The following NFATC3 variants were observed in gnomAD, a reference collection of about 807,000 sequenced individuals.
NFATC3 encodes nuclear factor of activated T cells 3.
In NFATC3, 46 loss-of-function variants were observed where a neutral mutation model predicts 98.6. The observed-to-expected ratio is 0.47, with a 90% CI of 0.37 to 0.60. NFATC3 has a LOEUF of 0.60. NFATC3 is among the 20% of genes least tolerant of loss of function. The pLI, the probability that NFATC3 is intolerant of heterozygous loss-of-function variation, is 0.00. For missense variants in NFATC3, 1,256 were observed against 1,295.5 expected (o/e 0.97, Z 0.47); for synonymous variants, 512 against 472.2 (o/e 1.08, Z -1.09).
At chr16:68,140,487 C>T (rs1323324094) in intron 3 of NFATC3, among the ~76,000 whole-genome samples, 1 of 152,268 alleles carries the variant, frequency 6.6e-6, no homozygotes. Context: ...TTCAGTTATT[C>T]AGTTGCATTG....
At chr16:68,190,737 A>G (rs765878223) in intron 8 of NFATC3, 31 bp from the exon 9 acceptor site, 4 of 1,565,338 alleles carry the variant, frequency 2.6e-6, no homozygotes, top group Admixed American at 3.7e-5. Context: ...GTATTGTATA[A>G]TAATATTTGC....
chr16:68,124,544 C>T (rs754003720), intron 2 of NFATC3, among the ~76,000 whole-genome samples: 17 of 151,850 alleles, frequency 1.1e-4, no homozygotes, highest in Non-Finnish European at 2.4e-4. Context: ...CTACCATTCT[C>T]CTGCCTCAGC....
chr16:68,166,563 C>G (rs2039205400), intron 4 of NFATC3, among the ~76,000 whole-genome samples: 1 of 152,180 alleles, frequency 6.6e-6, no homozygotes, highest in Admixed American at 6.6e-5. Context: ...GGCATAGATA[C>G]TCTACGTCTT....
chr16:68,085,851 T>A, intron 1 of NFATC3, 67 bp downstream of exon 1: 1 of 1,210,168 alleles, frequency 8.3e-7, no homozygotes, highest in Non-Finnish European at 1.1e-6. Context: ...TCTCGCTCCC[T>A]CCCTGTTCCC....
chr16:68,199,293 G>A (rs1360415317), intron 9 of NFATC3, among the ~76,000 whole-genome samples: 18 of 144,788 alleles, frequency 1.2e-4, no homozygotes, highest in Middle Eastern at 4.0e-3. Context: ...GCGCGATCTT[G>A]GCTCACTGCA....
At chr16:68,149,135 T>C (rs1186058737) in intron 3 of NFATC3, among the ~76,000 whole-genome samples, 1 of 151,982 alleles carries the variant, frequency 6.6e-6, no homozygotes, top group East Asian at 1.9e-4. Context: ...GAAGTGGAGG[T>C]TCTAGATTCT....
intron 4 of NFATC3, among the ~76,000 whole-genome samples, chr16:68,161,892 T>C (rs1300719582): frequency 6.6e-6 from 1 of 152,206 alleles, no homozygotes; most frequent in Non-Finnish European, 1.5e-5. Flanking sequence ...CCAAATAATA[T>C]GAAAGCATTG....
At chr16:68,197,737 A>G (rs1340460699) in intron 9 of NFATC3, among the ~76,000 whole-genome samples, 4 of 152,234 alleles carry the variant, frequency 2.6e-5, no homozygotes, top group Admixed American at 2.6e-4. Context: ...CAACCACAGG[A>G]CACGGTAATT....
At chr16:68,176,973 A>T in intron 6 of NFATC3, among the ~76,000 whole-genome samples, 1 of 139,392 alleles carries the variant, frequency 7.2e-6, no homozygotes, top group African/African-American at 2.7e-5. Context: ...GACTAGTCAG[A>T]TTTGTTTCTT....
At chr16:68,179,198 C>G (rs1227215387) in intron 6 of NFATC3, among the ~76,000 whole-genome samples, 2 of 152,158 alleles carry the variant, frequency 1.3e-5, no homozygotes, top group African/African-American at 2.4e-5. Context: ...CTCTCACTAC[C>G]CCTCCCCAAG....
At chr16:68,148,736 G>A (rs981643168) in intron 3 of NFATC3, among the ~76,000 whole-genome samples, 8 of 152,206 alleles carry the variant, frequency 5.3e-5, no homozygotes, top group Non-Finnish European at 8.8e-5. Context: ...GACCGGGCAC[G>A]GTGGTTCACA....
intron 3 of NFATC3, among the ~76,000 whole-genome samples, chr16:68,155,151 C>T (rs12446007): frequency 0.12 from 17,760 of 152,088 alleles, 1,205 homozygotes; most frequent in South Asian, 0.2. Flanking sequence ...TTATGAAGTT[C>T]GCTGGTTACA....
At chr16:68,164,131 A>G (rs1318254862) in intron 4 of NFATC3, among the ~76,000 whole-genome samples, 1 of 152,246 alleles carries the variant, frequency 6.6e-6, no homozygotes, top group East Asian at 1.9e-4. Flanking sequence ...TGAGTGAACC[A>G]GACTCCGTCT....
chr16:68,111,181 T>G (rs2035926535), intron 1 of NFATC3, among the ~76,000 whole-genome samples: 1 of 152,182 alleles, frequency 6.6e-6, no homozygotes, highest in Non-Finnish European at 1.5e-5. Flanking sequence ...ATATCTTTGT[T>G]AATTTTTTGT....
chr16:68,095,605 C>T (rs1229015952), intron 1 of NFATC3, among the ~76,000 whole-genome samples: 1 of 152,138 alleles, frequency 6.6e-6, no homozygotes, highest in Non-Finnish European at 1.5e-5. Context: ...CCGCCTGCCT[C>T]GGCCTCCCAA....
At chr16:68,162,345 G>A (rs2038933212) in intron 4 of NFATC3, among the ~76,000 whole-genome samples, 1 of 152,196 alleles carries the variant, frequency 6.6e-6, no homozygotes, top group Non-Finnish European at 1.5e-5. Flanking sequence ...CTAGTAGCTT[G>A]TTGAATGTAA....
intron 3 of NFATC3, among the ~76,000 whole-genome samples, chr16:68,135,475 A>G (rs1467287090): frequency 1.4e-5 from 2 of 142,078 alleles, no homozygotes. Context: ...AAAAAAAAAA[A>G]AAAAAAAAGA....
At position 68,157,980 on chromosome 16, in the gene NFATC3, A is replaced by G. The variant is rs1433751492; in HGVS notation, c.1513A>G (p.Thr505Ala). Reference sequence around the variant, plus strand: ...CCAGGTGCATCGAATCACTGGGAAGACAGTCGCTACTGCAAGCCAAGAGAT... The same window carrying G: ...CCAGGTGCATCGAATCACTGGGAAGGCAGTCGCTACTGCAAGCCAAGAGAT... ...FYQVHRITGK[T>A]VATASQEIII... Residue 505 changes from threonine to alanine, a missense_variant, in exon 4 of 10, where the codon ACA becomes GCA. Physicochemically the swap from Thr to Ala is moderately conservative, Grantham distance 58 (BLOSUM62 0). Transcript: ENST00000346183. The G allele has an allele frequency of 6.2e-7, 1 of 1,614,072 alleles. No individual in the cohort carries two copies. Among genetic ancestry groups the G allele is most frequent in the Non-Finnish European group, 8.5e-7 (1 of 1,179,968 alleles).
chr16:68,221,343 G>C, intron 9 of NFATC3: 1 of 1,603,672 alleles, frequency 6.2e-7, no homozygotes. Context: ...AAGGAAAGCA[G>C]AGGACTTGCA....
Sources: gnomAD v4.1 joint callset for allele counts (sites outside exome capture counted in the v4.1 genomes callset) on GRCh38, gnomAD v4.1.1 for gene constraint, MANE v1.5 for transcripts, NCBI Gene and HGNC (gene_info 2026-07-23, HGNC 2026-07-21) for gene names.